The following ZCCHC2 variants were observed in gnomAD, a reference collection of about 807,000 sequenced individuals.
ZCCHC2 encodes the protein zinc finger CCHC-type containing 2.
Under a neutral mutation model 103.6 loss-of-function variants are expected in ZCCHC2, and 39 were observed. The observed-to-expected ratio is 0.38, with a 90% CI of 0.29 to 0.49. The LOEUF (loss-of-function observed/expected upper bound fraction) is 0.49. ZCCHC2 is among the 20% of genes least tolerant of loss of function. The pLI is 0.96. For missense variants in ZCCHC2, 1,483 were observed against 1,491.0 expected (o/e 0.99, Z 0.09); for synonymous variants, 687 against 608.9 (o/e 1.13, Z -1.89).
chr18:62,537,753 A>G lies in ZCCHC2; in HGVS notation c.940-1928A>G, dbSNP rs547735589. Among the ~76,000 whole-genome samples the G allele has an allele frequency of 8.5e-5, 13 of 152,330 alleles. No homozygotes were observed. The South Asian group carries it at 1.2e-3, about 15-fold the overall frequency. ...TGCTATGAACACTGATGTACAGATT[A>G]TGTTTGCATTTCTGCTTTCAGTTCT... is the stretch of plus-strand genomic sequence containing the variant. On this transcript the variant is annotated intron_variant, in intron 1 of 13. Transcript: ENST00000269499.
At chr18:62,524,476 G>GGAATCCCCACCCGGCAGCTCC (rs1287314082) in intron 1 of ZCCHC2, 113 bp downstream of exon 1, 12 of 1,385,096 alleles carry the variant, frequency 8.7e-6, no homozygotes, top group East Asian at 2.9e-5. Flanking sequence ...CAGGTGGCTC[G>GGAATCCCCACCCGGCAGCTCC]GAATCCCCAC....
chr18:62,543,085 G>A (rs557887140), intron 3 of ZCCHC2, among the ~76,000 whole-genome samples: 1 of 152,264 alleles, frequency 6.6e-6, no homozygotes, highest in East Asian at 1.9e-4. Context: ...CCCGTCAGCT[G>A]TATCGGGAAT....
At chr18:62,535,434 G>C (rs186585077) in intron 1 of ZCCHC2, among the ~76,000 whole-genome samples, 1 of 152,306 alleles carries the variant, frequency 6.6e-6, no homozygotes, top group Non-Finnish European at 1.5e-5. Flanking sequence ...AAACTTAGTG[G>C]TGTAAAACAA....
rs756437021 is a variant in ZCCHC2 at position 62,570,215 on chromosome 18, A to C, written c.1959A>C (p.Glu653Asp). ...RHDGRESFES[E>D]EEKDRDTDSN... ...ATGGAAGAGAAAGTTTTGAAAGTGA[A>C]GAAGAGAAAGACAGAGGTTTGCTCT... Residue 653 changes from glutamate to aspartate, a missense_variant, in exon 12 of 14, where the codon GAA becomes GAC. Transcript: ENST00000269499. 1 of 1,611,712 alleles carries C rather than the reference A, an allele frequency of 6.2e-7. No homozygotes were observed. Among genetic ancestry groups the C allele is most frequent in the Non-Finnish European group, 8.5e-7 (1 of 1,178,878 alleles).
In ZCCHC2 at chr18:62,523,376, G is replaced by GCGGCGCCC; in HGVS notation, c.-48_-47insGGCGCCCC. 5 of 1,012,344 alleles carry GCGGCGCCC rather than the reference G, an allele frequency of 4.9e-6. No individual in the cohort carries two copies. The highest frequency in any genetic ancestry group is 5.9e-6 in the Non-Finnish European group (5 of 848,980). The allele number at this position is 1,012,344 out of a possible 1,614,324, so 62.7% of individuals were successfully genotyped here. ...GCCTCGGCCCGTGCTCCACCTCGCGGCCCCTCCCGCCCGCCCCCGCTCGCA... is the reference window on the plus strand; with the variant it reads ...GCCTCGGCCCGTGCTCCACCTCGCGGCGGCGCCCCCCCTCCCGCCCGCCCCCGCTCGCA... On this transcript the variant is annotated 5_prime_UTR_variant, in exon 1 of 14. Coordinates refer to ENST00000269499, the MANE Select transcript of ZCCHC2 (RefSeq NM_017742.6).
At chr18:62,579,534 G>A (rs894418335), downstream of ZCCHC2, among the ~76,000 whole-genome samples, 1 of 152,154 alleles carries the variant, frequency 6.6e-6, no homozygotes, top group African/African-American at 2.4e-5. Context: ...AGTTTGAAAT[G>A]ATTATAAATT....
At chr18:62,541,049 C>G (rs1915151202) in intron 2 of ZCCHC2, among the ~76,000 whole-genome samples, 1 of 152,158 alleles carries the variant, frequency 6.6e-6, no homozygotes, top group Admixed American at 6.6e-5. Flanking sequence ...AGTAGAGCTG[C>G]TTTATTTCTG....
intron 12 of ZCCHC2, among the ~76,000 whole-genome samples, chr18:62,571,495 G>GAAA (rs1425678318): frequency 6.6e-6 from 1 of 152,184 alleles, no homozygotes; most frequent in Non-Finnish European, 1.5e-5. Context: ...TTAATTTCCA[G>GAAA]AATTTTGAGA....
intron 11 of ZCCHC2, 100 bp from the exon 12 acceptor site, chr18:62,570,003 C>A: frequency 1.7e-6 from 2 of 1,207,804 alleles, no homozygotes; most frequent in Non-Finnish European, 2.3e-6. Context: ...TGTGGGGAAA[C>A]TGAAGAAAAT....
chr18:62,567,455 TAATC>T (rs1046033655), intron 11 of ZCCHC2, among the ~76,000 whole-genome samples: 1 of 152,258 alleles, frequency 6.6e-6, no homozygotes, highest in Non-Finnish European at 1.5e-5. Flanking sequence ...TTTTGAGTGA[TAATC>T]CATTTATGTA....
chr18:62,536,430 G>GT (rs1236994001), intron 1 of ZCCHC2, among the ~76,000 whole-genome samples: 1 of 152,138 alleles, frequency 6.6e-6, no homozygotes, highest in African/African-American at 2.4e-5. Flanking sequence ...ACTAGTCTTT[G>GT]TAAAATACTG....
In ZCCHC2 at chr18:62,544,793, T is replaced by C; in HGVS notation, c.1129-9T>C. 2 of 1,540,564 alleles carry C rather than the reference T, an allele frequency of 1.3e-6. No individual in the cohort carries two copies. Among genetic ancestry groups the C allele is most frequent in the Non-Finnish European group, 1.7e-6 (2 of 1,144,486 alleles). On this transcript the variant is annotated splice_polypyrimidine_tract_variant and intron_variant, in intron 3 of 13. Coordinates refer to ENST00000269499, the MANE Select transcript of ZCCHC2 (RefSeq NM_017742.6). ...TAACCATATAATATGTGTGTTTTTT[T>C]TAAATCAGGTAAATTGGTCTGATCT...
At chr18:62,546,696 G>A (rs577405212) in intron 4 of ZCCHC2, among the ~76,000 whole-genome samples, 6 of 152,338 alleles carry the variant, frequency 3.9e-5, no homozygotes, top group Non-Finnish European at 5.9e-5. Flanking sequence ...CCTGGCGCAT[G>A]GAGTCTGCCT....
At chr18:62,525,119 G>C (rs1914315293) in intron 1 of ZCCHC2, 1 of 152,226 alleles carries the variant, frequency 6.6e-6, no homozygotes, top group Non-Finnish European at 1.5e-5. Flanking sequence ...TCACGGGCTT[G>C]ATTCCTGCCT....
intron 1 of ZCCHC2, among the ~76,000 whole-genome samples, chr18:62,526,597 C>T (rs1432690242): frequency 6.6e-6 from 1 of 152,196 alleles, no homozygotes; most frequent in Non-Finnish European, 1.5e-5. Context: ...CAGTCCGGCC[C>T]AGCTGTTCTC....
chr18:62,564,943 C>G, intron 10 of ZCCHC2, 59 bp from the exon 11 acceptor site: 1 of 1,240,072 alleles, frequency 8.1e-7, no homozygotes, highest in African/African-American at 1.5e-5. Context: ...CAATACTGTA[C>G]TGAATGTGTT....
downstream of ZCCHC2, among the ~76,000 whole-genome samples, chr18:62,581,472 G>C (rs534838852): frequency 0.014 from 218 of 15,756 alleles, 29 homozygotes; most frequent in African/African-American, 0.11. Context: ...CCCCTCCTGA[G>C]ATGGTGTCAC....
chr18:62,559,227 TC>T (rs1418549533), intron 7 of ZCCHC2, among the ~76,000 whole-genome samples: 1 of 152,178 alleles, frequency 6.6e-6, no homozygotes, highest in Admixed American at 6.5e-5. Flanking sequence ...CAGGAGACCA[TC>T]CATAGATTGA....
chr18:62,556,400 G>A (rs1915886299), intron 6 of ZCCHC2, 103 bp downstream of exon 6: 1 of 848,488 alleles, frequency 1.2e-6, no homozygotes, highest in Non-Finnish European at 1.8e-6. Context: ...TAAAGTTAAG[G>A]AATAGTGACA....
Sources: allele counts gnomAD v4.1 joint callset (sites outside exome capture counted in the v4.1 genomes callset), GRCh38; gene constraint gnomAD v4.1.1; transcripts MANE v1.5; gene names NCBI Gene and HGNC (gene_info 2026-07-23, HGNC 2026-07-21).